Variants in SEM1 observed in about 807,000 individuals in gnomAD.
SEM1 encodes the protein 26S proteasome complex subunit SEM1.
In SEM1, 3 loss-of-function variants were observed where a neutral mutation model predicts 12.7. The observed-to-expected ratio is 0.24, with a 90% CI of 0.11 to 0.61. The LOEUF is 0.61. Ranked by LOEUF, SEM1 falls within the 20% of genes least tolerant of loss-of-function variation. The pLI, the probability that SEM1 is intolerant of heterozygous loss-of-function variation, is 0.88. For missense variants in SEM1, 59 were observed against 81.3 expected, an observed-to-expected ratio of 0.73 and a Z score of 1.06; for synonymous variants, 30 against 27.8, an observed-to-expected ratio of 1.08 and a Z score of -0.25.
intron 2 of SEM1, among the ~76,000 whole-genome samples, chr7:96,582,108 T>C (rs1806430598): frequency 6.7e-6 from 1 of 150,146 alleles, no homozygotes; most frequent in African/African-American, 2.5e-5. Flanking sequence ...GGCTGTGGGT[T>C]TGTCATAGAT....
intron 2 of SEM1, among the ~76,000 whole-genome samples, chr7:96,603,251 C>A (rs1464865195): frequency 6.6e-6 from 1 of 152,082 alleles, no homozygotes; most frequent in Non-Finnish European, 1.5e-5. Context: ...GTCTTAAAGG[C>A]AATGATAAGA....
rs548120557 is a variant in SEM1 at position 96,542,875 on chromosome 7, C to T, written c.171-36177G>A. 6.6e-5 allele frequency among the ~76,000 whole-genome samples: 10 copies of T among 151,870 alleles called. No individual in the cohort carries two copies. In the East Asian group the frequency reaches 1.2e-3, roughly 18 times the overall value. On this transcript the variant is annotated intron_variant and NMD_transcript_variant, in intron 2 of 3. Transcript: ENST00000466986. ...ATTCATATGGACAAAGATCTGTATA[C>T]CACTGTTATGAGAGCAAAACAAACA...
chr7:96,682,036 T>C (rs1789628727), intron 2 of SEM1, among the ~76,000 whole-genome samples: 1 of 152,152 alleles, frequency 6.6e-6, no homozygotes, highest in African/African-American at 2.4e-5. Flanking sequence ...GTTTTTCCAT[T>C]TGTTTGTGTC....
chr7:96,686,387 T>C (rs900857073), downstream of SEM1, among the ~76,000 whole-genome samples: 29 of 152,070 alleles, frequency 1.9e-4, no homozygotes, highest in African/African-American at 7.0e-4. Context: ...AAGCCTCTGC[T>C]CAACTCCTAT....
intron 2 of SEM1, among the ~76,000 whole-genome samples, chr7:96,651,802 A>C (rs1808998003): frequency 6.6e-6 from 1 of 152,134 alleles, no homozygotes; most frequent in Admixed American, 6.6e-5. Context: ...CGAACTCCTG[A>C]CCTCAAGTGA....
intron 2 of SEM1, chr7:96,645,425 A>G (rs904442044): frequency 3.7e-5 from 8 of 215,348 alleles, no homozygotes; most frequent in African/African-American, 1.8e-4. Context: ...TCAGGGAAGT[A>G]TTTCCAAGGA....
chr7:96,622,254 C>G (rs1346176910), downstream of SEM1: 1 of 135,196 alleles, frequency 7.4e-6, no homozygotes, highest in African/African-American at 3.8e-5. Flanking sequence ...CTCACCAGAA[C>G]ATAAAAGGAC....
chr7:96,683,644 A>G (rs890168668), intron 2 of SEM1, among the ~76,000 whole-genome samples: 2 of 152,180 alleles, frequency 1.3e-5, no homozygotes, highest in Non-Finnish European at 1.5e-5. Context: ...ATGGCCATCA[A>G]TGATAGACTG....
At chr7:96,689,847 A>G (rs1363398888) in intron 2 of SEM1, among the ~76,000 whole-genome samples, 1 of 152,198 alleles carries the variant, frequency 6.6e-6, no homozygotes, top group African/African-American at 2.4e-5. Context: ...CTCCAGTGCA[A>G]GACTCTGACT....
chr7:96,578,061 AACTC>A (rs1180319409), intron 2 of SEM1, among the ~76,000 whole-genome samples: 1 of 152,102 alleles, frequency 6.6e-6, no homozygotes, highest in Non-Finnish European at 1.5e-5. Flanking sequence ...AATAATTAGA[AACTC>A]AATGGACTAA....
intron 2 of SEM1, among the ~76,000 whole-genome samples, chr7:96,580,631 G>A (rs1427842352): frequency 4.0e-5 from 6 of 151,754 alleles, no homozygotes; most frequent in African/African-American, 1.5e-4. Flanking sequence ...TCCAGCACTT[G>A]TTGTTTCCTG....
intron 2 of SEM1, among the ~76,000 whole-genome samples, chr7:96,636,122 G>A (rs1808417635): frequency 6.6e-6 from 1 of 151,962 alleles, no homozygotes; most frequent in Admixed American, 6.6e-5. Context: ...TCAATTCAGT[G>A]CAACAGACTA....
intron 2 of SEM1, among the ~76,000 whole-genome samples, chr7:96,595,794 C>T (rs1476466735): frequency 6.6e-6 from 1 of 152,066 alleles, no homozygotes; most frequent in Non-Finnish European, 1.5e-5. Flanking sequence ...GACTTTCCCC[C>T]TAACTTGTAA....
chr7:96,557,137 C>T (rs1223627867), intron 2 of SEM1, among the ~76,000 whole-genome samples: 9 of 150,160 alleles, frequency 6.0e-5, no homozygotes, highest in Admixed American at 1.3e-4. Context: ...TTGGTTTGAA[C>T]GTCCTCCCGT....
chr7:96,627,399 G>A (rs912583070), intron 2 of SEM1, among the ~76,000 whole-genome samples: 2 of 151,748 alleles, frequency 1.3e-5, no homozygotes, highest in Non-Finnish European at 2.9e-5. Flanking sequence ...ATGCCAGCAC[G>A]TATAGCTGTA....
Position 96,547,918 on chromosome 7 carries a change from G to A in SEM1, c.171-41220C>T, listed in dbSNP as rs1321604480. ...GTGTACTGTAAAGATTGGTGACCAG[G>A]CCATTTGTACCACTGGAATCCTGTT... On this transcript the variant is annotated intron_variant and NMD_transcript_variant, in intron 2 of 3. Transcript: ENST00000466986. Among the ~76,000 whole-genome samples, 4 of 152,068 alleles carry A rather than the reference G, an allele frequency of 2.6e-5. No individual in the cohort carries two copies. The East Asian group carries it at 7.7e-4, about 29-fold the overall frequency.
At chr7:96,614,563 C>T (rs1331589259) in intron 2 of SEM1, among the ~76,000 whole-genome samples, 1 of 152,212 alleles carries the variant, frequency 6.6e-6, no homozygotes, top group East Asian at 1.9e-4. Context: ...TTTATGCAAG[C>T]TATAGCCGAA....
chr7:96,688,852 C>T lies in SEM1; in HGVS notation c.*72G>A. 2.4e-6 allele frequency: 2 copies of T among 842,900 alleles called. No individual in the cohort carries two copies. Among genetic ancestry groups the T allele is most frequent in the Admixed American group, 2.2e-5 (1 of 46,344 alleles). The allele number at this position is 842,900 out of a possible 1,614,324, so 52.2% of individuals were successfully genotyped here. On this transcript the variant is annotated 3_prime_UTR_variant, in exon 3 of 3. Transcript: ENST00000248566. Reference sequence around the variant, plus strand: ...AAATAAACACATTTTTTTAGTGTCCCATCCTGGGTTCTCTGCCCTAGAATG... The same window carrying T: ...AAATAAACACATTTTTTTAGTGTCCTATCCTGGGTTCTCTGCCCTAGAATG...
At chr7:96,532,666 G>A (rs768469498) in intron 2 of SEM1, among the ~76,000 whole-genome samples, 57 of 152,110 alleles carry the variant, frequency 3.7e-4, no homozygotes, top group African/African-American at 1.3e-3. Flanking sequence ...TGTAGTGGAT[G>A]CATCTGCTTT....
Sources: gnomAD v4.1 joint callset for allele counts (sites outside exome capture counted in the v4.1 genomes callset) on GRCh38, gnomAD v4.1.1 for gene constraint, MANE v1.5 for transcripts, NCBI Gene and HGNC (gene_info 2026-07-23, HGNC 2026-07-21) for gene names.